The following IGLL5 variants were observed in gnomAD, a reference collection of about 807,000 sequenced individuals.
IGLL5 encodes the protein immunoglobulin lambda-like polypeptide 5.
IGLL5 carries 30 observed loss-of-function variants against 20.9 expected under a neutral mutation model. That is an observed-to-expected ratio of 1.44 (90% confidence interval 1.07 to 1.95). The LOEUF (loss-of-function observed/expected upper bound fraction) is 1.95, where lower values mean the gene tolerates loss of function less well. Ranked by LOEUF, IGLL5 falls within the 30% of genes most tolerant of loss-of-function variation. The pLI is 0.00. For missense variants in IGLL5, 475 were observed against 270.7 expected (o/e 1.75, Z -5.30); for synonymous variants, 203 against 117.3 (o/e 1.73, Z -4.72).
At position 22,894,110 on chromosome 22, in the gene IGLL5, G is replaced by C. The variant is rs1448951987; in HGVS notation, c.325+292G>C. Reference sequence around the variant, plus strand: ...ATGTCTGAGTGAGGGACAGAGGCTGGTTCTGATGAGGGGCCCTGCAGTGTC... The same window carrying C: ...ATGTCTGAGTGAGGGACAGAGGCTGCTTCTGATGAGGGGCCCTGCAGTGTC... On this transcript the variant is annotated intron_variant, in intron 2 of 2. Coordinates refer to ENST00000526893, the MANE Select transcript of IGLL5 (RefSeq NM_001178126.2). Among the ~76,000 whole-genome samples, 22 of 151,290 alleles carry C rather than the reference G, an allele frequency of 1.5e-4. 1 individual carries two copies. Among genetic ancestry groups the C allele is most frequent in the Middle Eastern group, 7.6e-3 (2 of 264 alleles).
In IGLL5 at chr22:22,895,367, C is replaced by T; in HGVS notation, c.326-8C>T. The T allele has an allele frequency of 6.2e-7, 1 of 1,612,180 alleles. No individual in the cohort carries two copies. Among genetic ancestry groups the T allele is most frequent in the Non-Finnish European group, 8.5e-7 (1 of 1,179,022 alleles). ...TGCCCTCTCTCACCCCCTTCCCTGTCCACACAGGTCAGCCCAAGGCCAACC... is the reference window on the plus strand; with the variant it reads ...TGCCCTCTCTCACCCCCTTCCCTGTTCACACAGGTCAGCCCAAGGCCAACC... On this transcript the variant is annotated splice_polypyrimidine_tract_variant and splice_region_variant and intron_variant, in intron 2 of 2. Transcript: ENST00000526893.
intron 1 of IGLL5, among the ~76,000 whole-genome samples, chr22:22,890,163 G>GC (rs1385176992): frequency 7.5e-6 from 1 of 133,976 alleles, no homozygotes; most frequent in African/African-American, 3.0e-5. Context: ...CTTTTTTCTT[G>GC]CCAAAAAAAA....
intron 1 of IGLL5, among the ~76,000 whole-genome samples, chr22:22,888,611 G>C (rs1462662888): frequency 1.3e-5 from 2 of 151,198 alleles, no homozygotes; most frequent in African/African-American, 4.9e-5. Flanking sequence ...GTCCCCACAG[G>C]GTGCCCAGGC....
At chr22:22,888,756 C>A (rs111885618) in intron 1 of IGLL5, among the ~76,000 whole-genome samples, 4 of 151,218 alleles carry the variant, frequency 2.6e-5, no homozygotes, top group South Asian at 2.1e-4. Context: ...CACATAAATG[C>A]TTACTGGGGC....
In IGLL5 at chr22:22,895,796, C is replaced by A; in HGVS notation, c.*102C>A. 9.7e-7 allele frequency: 1 copy of A among 1,027,500 alleles called. No individual in the cohort carries two copies. The highest frequency in any genetic ancestry group is 1.5e-6 in the Non-Finnish European group (1 of 658,254). The allele number at this position is 1,027,500 out of a possible 1,614,324, so 63.6% of individuals were successfully genotyped here. On this transcript the variant is annotated 3_prime_UTR_variant, in exon 3 of 3. Transcript: ENST00000526893. Reference sequence around the variant, plus strand: ...GTCATCCAGCCCTTCTCCCTGCACTCATGAAACCCCAATAAATATCCTCAT... The same window carrying A: ...GTCATCCAGCCCTTCTCCCTGCACTAATGAAACCCCAATAAATATCCTCAT...
intron 1 of IGLL5, among the ~76,000 whole-genome samples, chr22:22,888,539 G>A (rs185376229): frequency 1.3e-5 from 2 of 151,360 alleles, no homozygotes; most frequent in Admixed American, 6.6e-5. Context: ...CCTAGTCCTA[G>A]TCCTCTGGGT....
chr22:22,893,672 G>A, intron 1 of IGLL5, 28 bp from the exon 2 acceptor site: 1 of 1,499,518 alleles, frequency 6.7e-7, no homozygotes, highest in Non-Finnish European at 9.2e-7. Flanking sequence ...CCCGCCCACT[G>A]CAACCCTGTG....
intron 2 of IGLL5, among the ~76,000 whole-genome samples, chr22:22,894,042 T>A (rs2067972253): frequency 1.3e-5 from 2 of 150,770 alleles, no homozygotes; most frequent in Admixed American, 6.6e-5. Context: ...GGGCCTGAGC[T>A]GGGATTGGGC....
At chr22:22,894,636 CT>C (rs2146043887) in intron 2 of IGLL5, among the ~76,000 whole-genome samples, 1 of 151,104 alleles carries the variant, frequency 6.6e-6, no homozygotes, top group East Asian at 2.0e-4. Flanking sequence ...AACTCCATGG[CT>C]ACCAGGTGAA....
In IGLL5 at chr22:22,887,902, G is replaced by A. The variant is rs1337806463; in HGVS notation, c.-152G>A. On this transcript the variant is annotated 5_prime_UTR_variant, in exon 1 of 3. Transcript: ENST00000526893. ...ATGGACCCTGGAAGGGCCTGGGCTAGGGACAGGGACCAGAGCCAGTCCAGG... is the reference window on the plus strand; with the variant it reads ...ATGGACCCTGGAAGGGCCTGGGCTAAGGACAGGGACCAGAGCCAGTCCAGG... The A allele has an allele frequency of 9.9e-6, 7 of 706,040 alleles. No individual in the cohort carries two copies. The highest frequency in any genetic ancestry group is 4.3e-5 in the Admixed American group (2 of 46,682). 43.7% of individuals were successfully genotyped at this position (706,040 alleles called of 1,614,324 possible). A position where few individuals can be genotyped will look rare whatever the true frequency, so the allele number is the denominator to read the frequency against.
chr22:22,894,205 G>C (rs2067998856), intron 2 of IGLL5, among the ~76,000 whole-genome samples: 1 of 151,434 alleles, frequency 6.6e-6, no homozygotes, highest in Admixed American at 6.6e-5. Flanking sequence ...GGGAGCTGCT[G>C]AGTCTCATAG....
In IGLL5 at chr22:22,888,157, C is replaced by T. The variant is rs1165749830; in HGVS notation, c.104C>T (p.Ala35Val). 13 of 1,549,076 alleles carry T rather than the reference C, an allele frequency of 8.4e-6. No homozygotes were observed. Among genetic ancestry groups the T allele is most frequent in the Non-Finnish European group, 1.1e-5 (13 of 1,146,596 alleles). The change falls in exon 1 of 3, where the codon GCC becomes GTC. Residue 35 changes from alanine to valine, a missense_variant. By Grantham distance (64) the Ala-to-Val change is moderately conservative. Coordinates refer to ENST00000526893, the MANE Select transcript of IGLL5 (RefSeq NM_001178126.2). Reference protein sequence around the residue: ...PLLLLGLAMVAHGLLRPMVAP... With the variant: ...PLLLLGLAMVVHGLLRPMVAP... ...CTGCTGCTGGGTCTGGCCATGGTCG[C>T]CCATGGCCTGCTGCGCCCAATGGTT...
chr22:22,888,137 G>A lies in IGLL5; in HGVS notation c.84G>A (p.Leu28=), dbSNP rs772288552. The change falls in exon 1 of 3, where the codon CTG becomes CTA. Residue 28 remains leucine, a synonymous_variant. Transcript: ENST00000526893. ...CCAGGCAGCGCTGGCCCCTGCTGCT[G>A]CTGGGTCTGGCCATGGTCGCCCATG... ...PGPRQRWPLL[L]LGLAMVAHGL... 12 of 1,549,720 alleles carry A rather than the reference G, an allele frequency of 7.7e-6. No homozygotes were observed. Among genetic ancestry groups the A allele is most frequent in the African/African-American group, 4.1e-5 (3 of 72,964 alleles).
At chr22:22,888,621 C>T (rs975810680) in intron 1 of IGLL5, among the ~76,000 whole-genome samples, 4 of 151,316 alleles carry the variant, frequency 2.6e-5, no homozygotes, top group Non-Finnish European at 4.4e-5. Context: ...GGTGCCCAGG[C>T]CTGTTCCTCC....
intron 2 of IGLL5, among the ~76,000 whole-genome samples, chr22:22,894,638 A>T (rs191514906): frequency 2.0e-5 from 3 of 150,324 alleles, no homozygotes; most frequent in Admixed American, 6.6e-5. Flanking sequence ...CTCCATGGCT[A>T]CCAGGTGAAG....
chr22:22,894,074 T>C (rs1363302205), intron 2 of IGLL5, among the ~76,000 whole-genome samples: 12 of 151,386 alleles, frequency 7.9e-5, no homozygotes, highest in East Asian at 6.0e-4. Context: ...TCCTCCTCTC[T>C]TCCAGGGCAG....
At chr22:22,889,065 A>T (rs547708007) in intron 1 of IGLL5, among the ~76,000 whole-genome samples, 1 of 151,322 alleles carries the variant, frequency 6.6e-6, no homozygotes, top group East Asian at 2.0e-4. Flanking sequence ...GAGTCCTTGG[A>T]TGGATTTAGG....
rs2067725375 is a variant in IGLL5, at chr22:22,889,490, A to G, written c.206+1231A>G. ...AAGCTGTAACCAAATCTTTATAACA[A>G]GGGTGGTTAGCTCAGCATTATTAGT... On this transcript the variant is annotated intron_variant, in intron 1 of 2. Coordinates refer to ENST00000526893, the MANE Select transcript of IGLL5 (RefSeq NM_001178126.2). Among the ~76,000 whole-genome samples the G allele has an allele frequency of 4.0e-5, 6 of 151,330 alleles. No homozygotes were observed. In the East Asian group the frequency reaches 6.0e-4, roughly 15 times the overall value.
At chr22:22,893,556 T>A in intron 1 of IGLL5, 144 bp from the exon 2 acceptor site, 8 of 582,974 alleles carry the variant, frequency 1.4e-5, no homozygotes, top group African/African-American at 3.8e-5. Flanking sequence ...AGACACACAC[T>A]GGGGTAACTC....
Sources: gnomAD v4.1 joint callset for allele counts (sites outside exome capture counted in the v4.1 genomes callset) on GRCh38, gnomAD v4.1.1 for gene constraint, MANE v1.5 for transcripts, NCBI Gene and HGNC (gene_info 2026-07-23, HGNC 2026-07-21) for gene names.